CUBN: variants seen among roughly 807,000 people sequenced by gnomAD.
CUBN encodes the protein 460 kDa receptor.
CUBN carries 282 observed loss-of-function variants against 405.3 expected under a neutral mutation model. The ratio of observed to expected loss-of-function variants is 0.70; its 90% CI spans 0.63 to 0.77. CUBN has a LOEUF of 0.77. Ranked by LOEUF, CUBN falls within the 30% of genes least tolerant of loss-of-function variation. The pLI is 0.00. For missense variants in CUBN, 4,514 were observed against 4,475.2 expected, an observed-to-expected ratio of 1.01 and a Z score of -0.25; for synonymous variants, 1,684 against 1,617.0, an observed-to-expected ratio of 1.04 and a Z score of -0.99.
At chr10:17,081,690 G>T (rs1205673624) in intron 17 of CUBN, among the ~76,000 whole-genome samples, 1 of 152,052 alleles carries the variant, frequency 6.6e-6, no homozygotes, top group African/African-American at 2.4e-5. Flanking sequence ...TTTTCCCAAT[G>T]GATAGAGATG....
rs751619409 is a variant in CUBN, at chr10:16,939,169, T to A, written c.5549-22A>T. 85 of 1,584,264 alleles carry A rather than the reference T, an allele frequency of 5.4e-5. 1 individual carries two copies. The Middle Eastern group carries it at 3.3e-3, about 62-fold the overall frequency. ...AATACTAGGAGGGAAGACAGAGTAG[T>A]AAATCAGACCCACTTAGAATTGCTC... On this transcript the variant is annotated intron_variant, in intron 37 of 66. Transcript: ENST00000377833.
intron 42 of CUBN, 28 bp downstream of exon 42, chr10:16,925,556 A>T: frequency 1.2e-6 from 2 of 1,613,310 alleles, no homozygotes; most frequent in East Asian, 4.5e-5. Context: ...TGGAAAATGT[A>T]ATTAGAAAGG....
At chr10:17,005,333 A>G (rs2131747289) in intron 28 of CUBN, among the ~76,000 whole-genome samples, 1 of 152,308 alleles carries the variant, frequency 6.6e-6, no homozygotes, top group Middle Eastern at 3.4e-3. Context: ...TTAATACCAC[A>G]AGTATATTGC....
intron 31 of CUBN, among the ~76,000 whole-genome samples, chr10:16,970,978 C>T (rs755373017): frequency 1.3e-5 from 2 of 152,048 alleles, no homozygotes; most frequent in Non-Finnish European, 2.9e-5. Context: ...ATTTAACATA[C>T]AGCTAAATTA....
rs74116779 is a variant in CUBN at position 16,954,210 on chromosome 10, G to A, written c.4855+179C>T. On this transcript the variant is annotated intron_variant, in intron 32 of 66. Coordinates refer to ENST00000377833, the MANE Select transcript of CUBN (RefSeq NM_001081.4). ...TCCAAAGGAAGTCAGAGAAGGAGAA[G>A]GTTACAAGCATCAGGAGTTGGGATA... 0.053 allele frequency among the ~76,000 whole-genome samples: 7,997 copies of A among 152,176 alleles called. 690 individuals carry two copies. The highest frequency in any genetic ancestry group is 0.18 in the African/African-American group (7,585 of 41,458).
chr10:16,861,973 A>G (rs1176052449), intron 59 of CUBN, among the ~76,000 whole-genome samples: 2 of 152,102 alleles, frequency 1.3e-5, no homozygotes, highest in African/African-American at 2.4e-5. Flanking sequence ...ACATGGTGAA[A>G]GCCCGTCTCC....
In CUBN at chr10:16,915,885, A is replaced by G; in HGVS notation, c.7146T>C (p.Phe2382=). ...CACAGCCAGAAGAATTCTGAAGGTT[A>G]AAGTCTTCAAAAGAGATGGTGAGAT... ...GHYLTISFED[F]NLQNSSGCEK... is the part of the protein sequence containing the mutation. The change falls in exon 46 of 67, where the codon TTT becomes TTC. Residue 2382 remains phenylalanine, a synonymous_variant. Coordinates refer to ENST00000377833, the MANE Select transcript of CUBN (RefSeq NM_001081.4). 6.2e-7 allele frequency: 1 copy of G among 1,614,142 alleles called. No individual in the cohort carries two copies. The highest frequency in any genetic ancestry group is 8.5e-7 in the Non-Finnish European group (1 of 1,180,004).
intron 66 of CUBN, among the ~76,000 whole-genome samples, chr10:16,825,910 T>A (rs1838763311): frequency 6.6e-6 from 1 of 151,258 alleles, no homozygotes; most frequent in African/African-American, 2.4e-5. Flanking sequence ...AGTGTAGATT[T>A]TTTTTTCTGT....
chr10:16,935,635 T>C (rs1232966537), intron 39 of CUBN, among the ~76,000 whole-genome samples: 1 of 152,016 alleles, frequency 6.6e-6, no homozygotes, highest in East Asian at 1.9e-4. Flanking sequence ...ATTCTAGCAC[T>C]TTGGGAGGCC....
intron 9 of CUBN, among the ~76,000 whole-genome samples, chr10:17,110,227 A>G (rs1012546383): frequency 2.0e-5 from 3 of 152,222 alleles, no homozygotes; most frequent in African/African-American, 4.8e-5. Flanking sequence ...CAATTACGAT[A>G]TATGCCTACT....
chr10:17,122,187 G>A (rs908942213), intron 6 of CUBN: 2 of 156,998 alleles, frequency 1.3e-5, no homozygotes, highest in Middle Eastern at 3.1e-3. Context: ...AGTGATGCCT[G>A]AGCTGAGCAG....
intron 59 of CUBN, among the ~76,000 whole-genome samples, chr10:16,858,207 A>T (rs183472758): frequency 7.9e-4 from 121 of 152,366 alleles, no homozygotes; most frequent in African/African-American, 2.6e-3. Context: ...AAAACTCAAC[A>T]TAGTAAAGAC....
At chr10:16,975,683 T>G (rs1241348202) in intron 31 of CUBN, among the ~76,000 whole-genome samples, 12 of 139,316 alleles carry the variant, frequency 8.6e-5, no homozygotes, top group African/African-American at 2.9e-4. Flanking sequence ...CAGGCTGGAG[T>G]GCAGTGGTGC....
chr10:17,027,996 A>G (rs1267363877), intron 27 of CUBN, among the ~76,000 whole-genome samples: 1 of 152,108 alleles, frequency 6.6e-6, no homozygotes, highest in Non-Finnish European at 1.5e-5. Flanking sequence ...ACCCACAAAA[A>G]TTAAAAATTT....
chr10:17,058,717 A>G (rs17347888), intron 22 of CUBN, among the ~76,000 whole-genome samples: 6,008 of 152,114 alleles, frequency 0.039, 268 homozygotes, highest in South Asian at 0.22. Flanking sequence ...GACAATATAA[A>G]TGGCTCCTTC....
At chr10:16,980,737 T>C (rs969582261) in intron 31 of CUBN, among the ~76,000 whole-genome samples, 6 of 152,086 alleles carry the variant, frequency 3.9e-5, no homozygotes, top group African/African-American at 1.4e-4. Flanking sequence ...AAATACCTTA[T>C]GTAGATGACG....
At chr10:17,017,829 G>T (rs995797236) in intron 28 of CUBN, among the ~76,000 whole-genome samples, 3 of 152,126 alleles carry the variant, frequency 2.0e-5, no homozygotes, top group African/African-American at 7.2e-5. Context: ...TTAGAAGCGG[G>T]ACTAGCCTCA....
chr10:16,865,058 T>C (rs1588600281), intron 59 of CUBN, among the ~76,000 whole-genome samples: 1 of 143,930 alleles, frequency 6.9e-6, no homozygotes, highest in Admixed American at 7.2e-5. Flanking sequence ...AACCTCTGCC[T>C]CCTGGGTTCA....
chr10:17,006,754 T>C (rs1371357579), intron 28 of CUBN, among the ~76,000 whole-genome samples: 1 of 150,932 alleles, frequency 6.6e-6, no homozygotes, highest in Non-Finnish European at 1.5e-5. Context: ...TCATAAAAGA[T>C]GTTGACACGG....
Sources: allele counts gnomAD v4.1 joint callset (sites outside exome capture counted in the v4.1 genomes callset), GRCh38; gene constraint gnomAD v4.1.1; transcripts MANE v1.5; gene names NCBI Gene and HGNC (gene_info 2026-07-23, HGNC 2026-07-21).